The following TYW1 variants were observed in gnomAD, a reference collection of about 807,000 sequenced individuals.
The protein encoded by TYW1 is S-adenosyl-L-methionine-dependent tRNA 4-demethylwyosine synthase TYW1.
In TYW1, 46 loss-of-function variants were observed where a neutral mutation model predicts 96.2. The ratio of observed to expected loss-of-function variants is 0.48; its 90% CI spans 0.38 to 0.61. The LOEUF is 0.61. Ranked by LOEUF, TYW1 falls within the 20% of genes least tolerant of loss-of-function variation. The pLI is 0.00. For synonymous variants in TYW1, 274 were observed against 323.0 expected, an observed-to-expected ratio of 0.85 and a Z score of 1.63; for missense variants, 684 against 909.6, an observed-to-expected ratio of 0.75 and a Z score of 3.19.
intron 11 of TYW1, chr7:67,089,497 G>A: frequency 1.1e-6 from 1 of 903,402 alleles, no homozygotes; most frequent in Non-Finnish European, 1.8e-6. Context: ...ACCTCACTCT[G>A]GCTTGGAGAG....
chr7:67,230,078 C>T (rs773305874), intron 15 of TYW1, among the ~76,000 whole-genome samples: 9 of 150,342 alleles, frequency 6.0e-5, no homozygotes, highest in Admixed American at 1.3e-4. Context: ...GTAATGGCCA[C>T]GGTCTCTTTA....
chr7:67,061,345 A>G (rs1188313999), intron 9 of TYW1, among the ~76,000 whole-genome samples: 1 of 152,234 alleles, frequency 6.6e-6, no homozygotes, highest in Non-Finnish European at 1.5e-5. Flanking sequence ...ACACGTAGAT[A>G]ACAAGAACTT....
intron 10 of TYW1, among the ~76,000 whole-genome samples, chr7:67,073,397 G>C (rs1264868958): frequency 1.3e-5 from 2 of 152,164 alleles, no homozygotes; most frequent in African/African-American, 4.8e-5. Context: ...CAGTTGTGCT[G>C]AGGTTGAAAT....
chr7:67,180,425 A>ATATATATTATT lies in TYW1; in HGVS notation c.1699-2700_1699-2699insATATATTATTT, dbSNP rs1563058168. Among the ~76,000 whole-genome samples the ATATATATTATT allele has an allele frequency of 2.0e-4, 14 of 68,628 alleles. 1 individual carries two copies. The highest frequency in any genetic ancestry group is 3.8e-4 in the Non-Finnish European group (13 of 34,022). The allele number at this position is 68,628 out of a possible 152,430, so 45.0% of individuals were successfully genotyped here. A position where few individuals can be genotyped will look rare whatever the true frequency, so the allele number is the denominator to read the frequency against. On this transcript the variant is annotated intron_variant, in intron 13 of 15. Transcript: ENST00000359626. ...ATATATTTATATATATATATATATA[A>ATATATATTATT]TTTTTTTTTTGGTAACTGGCCTAAT...
chr7:67,198,459 G>C (rs1044520664), intron 15 of TYW1, among the ~76,000 whole-genome samples: 2 of 151,962 alleles, frequency 1.3e-5, no homozygotes, highest in African/African-American at 4.8e-5. Context: ...GCTGAGGCAG[G>C]AGAATCTCTT....
At chr7:67,212,864 A>G (rs191769058) in intron 15 of TYW1, among the ~76,000 whole-genome samples, 96 of 151,732 alleles carry the variant, frequency 6.3e-4, no homozygotes, top group African/African-American at 2.2e-3. Flanking sequence ...AGGTTGGTTT[A>G]TTTTTATTTA....
chr7:66,996,931 C>T lies in TYW1; in HGVS notation c.-48C>T. The T allele has an allele frequency of 3.1e-6, 5 of 1,613,658 alleles. No homozygotes were observed. The highest frequency in any genetic ancestry group is 4.2e-6 in the Non-Finnish European group (5 of 1,179,814). On this transcript the variant is annotated 5_prime_UTR_variant, in exon 1 of 16. Transcript: ENST00000359626. Reference sequence around the variant, plus strand: ...GTCTCGCGGTACCAGTGCGAATCATCGGGCTATCCAGGTCCGAGATCCTAG... The same window carrying T: ...GTCTCGCGGTACCAGTGCGAATCATTGGGCTATCCAGGTCCGAGATCCTAG...
intron 11 of TYW1, among the ~76,000 whole-genome samples, chr7:67,084,584 C>A (rs114688511): frequency 7.3e-5 from 11 of 150,928 alleles, no homozygotes; most frequent in Non-Finnish European, 1.6e-4. Flanking sequence ...GTGGTGCCAT[C>A]TTGGCTCACT....
At chr7:67,015,105 G>A (rs1219633684) in intron 5 of TYW1, among the ~76,000 whole-genome samples, 16 of 149,900 alleles carry the variant, frequency 1.1e-4, no homozygotes, top group Non-Finnish European at 2.2e-4. Flanking sequence ...GGGTTCAAGC[G>A]GTTCTCATTT....
intron 13 of TYW1, among the ~76,000 whole-genome samples, chr7:67,146,478 A>ACAAT (rs59145081): frequency 6.7e-6 from 1 of 148,390 alleles, no homozygotes; most frequent in African/African-American, 2.5e-5. Context: ...TGAAAAATAA[A>ACAAT]AATATAACAT....
At chr7:67,157,600 A>G (rs1414624184) in intron 13 of TYW1, among the ~76,000 whole-genome samples, 1 of 152,146 alleles carries the variant, frequency 6.6e-6, no homozygotes, top group Non-Finnish European at 1.5e-5. Context: ...ACCAATATTA[A>G]TACATAAAAT....
intron 12 of TYW1, among the ~76,000 whole-genome samples, chr7:67,110,297 G>A (rs956882328): frequency 1.7e-4 from 26 of 152,176 alleles, no homozygotes; most frequent in African/African-American, 6.0e-4. Flanking sequence ...TCAGGGCTGT[G>A]GGCATGCCAG....
rs537750718 is a variant in TYW1, at chr7:67,071,767, C to T, written c.1274+4364C>T. Among the ~76,000 whole-genome samples the T allele has an allele frequency of 4.5e-3, 688 of 152,198 alleles. 4 individuals carry two copies. The highest frequency in any genetic ancestry group is 0.015 in the African/African-American group (638 of 41,540). The stretch of plus-strand genomic sequence containing the variant: ...TCCTGAGTAGCTGGGATTGCAGGCG[C>T]CCGCCACCACACCCGGCTAATTTTT... On this transcript the variant is annotated intron_variant, in intron 10 of 15. Transcript: ENST00000359626.
chr7:67,020,710 A>G (rs1317890512), intron 6 of TYW1, among the ~76,000 whole-genome samples: 8 of 152,272 alleles, frequency 5.3e-5, no homozygotes. Flanking sequence ...TCCAGCCTCT[A>G]GCTACGTGGT....
intron 13 of TYW1, among the ~76,000 whole-genome samples, chr7:67,131,834 A>G (rs181066979): frequency 1.0e-3 from 159 of 152,336 alleles, no homozygotes; most frequent in African/African-American, 3.6e-3. Flanking sequence ...CCAAGAGTCC[A>G]AAAGCTGAAG....
chr7:67,073,767 CAAAAA>C (rs71526599), intron 10 of TYW1, among the ~76,000 whole-genome samples: 2 of 42,322 alleles, frequency 4.7e-5, no homozygotes, highest in Non-Finnish European at 8.0e-5. Context: ...CGAGACTCTT[CAAAAA>C]AAAAAAAAAA....
In TYW1 at chr7:67,239,141, C is replaced by T. The variant is rs886249291; in HGVS notation, c.*612C>T. 1.6e-5 allele frequency: 16 copies of T among 986,114 alleles called. No individual in the cohort carries two copies. The African/African-American group carries it at 2.8e-4, about 17-fold the overall frequency. The allele number at this position is 986,114 out of a possible 1,614,324, so 61.1% of individuals were successfully genotyped here. A position where few individuals can be genotyped will look rare whatever the true frequency, so the allele number is the denominator to read the frequency against. ...TGCGTTGGATCTAAAACTACTAGAT[C>T]TCATCCCATTCCCATGTAAATTACC... On this transcript the variant is annotated 3_prime_UTR_variant, in exon 16 of 16. Coordinates refer to ENST00000359626, the MANE Select transcript of TYW1 (RefSeq NM_018264.4).
intron 8 of TYW1, among the ~76,000 whole-genome samples, chr7:67,054,050 C>T (rs1795439422): frequency 6.6e-6 from 1 of 152,188 alleles, no homozygotes; most frequent in African/African-American, 2.4e-5. Flanking sequence ...TGTTTCCTAT[C>T]TCTATGGGAT....
chr7:67,191,866 G>A (rs911384495), intron 14 of TYW1, among the ~76,000 whole-genome samples: 2 of 151,628 alleles, frequency 1.3e-5, no homozygotes, highest in South Asian at 2.1e-4. Flanking sequence ...GCTTCCCTCA[G>A]AGGGTTTTGT....
Sources: gnomAD v4.1 joint callset for allele counts (sites outside exome capture counted in the v4.1 genomes callset) on GRCh38, gnomAD v4.1.1 for gene constraint, MANE v1.5 for transcripts, NCBI Gene and HGNC (gene_info 2026-07-23, HGNC 2026-07-21) for gene names.